Variants in C10orf143 observed in about 807,000 individuals in gnomAD.
C10orf143 encodes chromosome 10 open reading frame 143.
intron 1 of C10orf143, among the ~76,000 whole-genome samples, chr10:130,082,057 C>T (rs1220270695): frequency 3.3e-5 from 5 of 151,854 alleles, no homozygotes; most frequent in Admixed American, 6.6e-5. Flanking sequence ...CACAGTGGCA[C>T]ACAAGGAGAC....
intron 1 of C10orf143, among the ~76,000 whole-genome samples, chr10:130,110,220 T>G (rs1861737081): frequency 6.6e-6 from 1 of 152,188 alleles, no homozygotes; most frequent in Non-Finnish European, 1.5e-5. Flanking sequence ...CAAGAAGCAC[T>G]AACACGCTCA....
chr10:130,081,355 C>T (rs900571064), intron 1 of C10orf143, among the ~76,000 whole-genome samples: 3 of 151,980 alleles, frequency 2.0e-5, no homozygotes, highest in African/African-American at 4.8e-5. Flanking sequence ...TGAGCAAACA[C>T]GGTTAGAAAC....
chr10:130,086,501 G>A (rs1204859471), intron 1 of C10orf143, among the ~76,000 whole-genome samples: 2 of 152,190 alleles, frequency 1.3e-5, no homozygotes, highest in African/African-American at 2.4e-5. Context: ...CTTCACCTAA[G>A]TTGGATGACA....
chr10:130,058,279 G>T (rs1195966789), intron 3 of C10orf143, among the ~76,000 whole-genome samples: 1 of 152,172 alleles, frequency 6.6e-6, no homozygotes, highest in Admixed American at 6.5e-5. Context: ...AGATGCTGGA[G>T]TGGAGGCCAG....
intron 1 of C10orf143, among the ~76,000 whole-genome samples, chr10:130,091,083 G>A (rs1237689709): frequency 1.3e-5 from 2 of 152,178 alleles, no homozygotes; most frequent in Non-Finnish European, 2.9e-5. Context: ...GGGACAGACT[G>A]CCTCCTCAAG....
intron 3 of C10orf143, among the ~76,000 whole-genome samples, chr10:130,043,867 G>A (rs554358310): frequency 3.9e-5 from 6 of 152,344 alleles, no homozygotes; most frequent in South Asian, 4.1e-4. Context: ...CTTGCAGGTG[G>A]AACCTACTTG....
chr10:130,078,182 C>A (rs978445676), intron 3 of C10orf143, among the ~76,000 whole-genome samples: 1 of 152,138 alleles, frequency 6.6e-6, no homozygotes. Flanking sequence ...CCAAAATGAT[C>A]CAATCAGTTG....
chr10:130,086,100 C>T lies in C10orf143; in HGVS notation c.70-6199G>A, dbSNP rs183143544. Reference sequence around the variant, plus strand: ...CCAATATCCCGCTTAAAATAAACCACGCAAAATACTTTCAATGCCATGTAA... The same window carrying T: ...CCAATATCCCGCTTAAAATAAACCATGCAAAATACTTTCAATGCCATGTAA... On this transcript the variant is annotated intron_variant, in intron 1 of 3. Coordinates refer to ENST00000637128, the MANE Select transcript of C10orf143 (RefSeq NM_001355042.2). 1.1e-4 allele frequency among the ~76,000 whole-genome samples: 16 copies of T among 152,300 alleles called. No homozygotes were observed. The East Asian group carries it at 2.1e-3, about 20-fold the overall frequency.
intron 1 of C10orf143, among the ~76,000 whole-genome samples, chr10:130,090,082 T>C (rs1268272862): frequency 2.0e-5 from 3 of 152,176 alleles, no homozygotes; most frequent in African/African-American, 7.2e-5. Flanking sequence ...ATTCAAAGGT[T>C]TGGGGCTTCA....
intron 3 of C10orf143, among the ~76,000 whole-genome samples, chr10:130,037,922 G>A (rs1023895762): frequency 2.6e-5 from 4 of 152,168 alleles, no homozygotes; most frequent in Admixed American, 1.3e-4. Context: ...ATTGTCTTAT[G>A]TTATTGAAAA....
At position 130,064,324 on chromosome 10, in the gene C10orf143, T is replaced by G. The variant is rs957137651; in HGVS notation, c.*30A>C. The G allele has an allele frequency of 8.5e-5, 34 of 398,460 alleles. No homozygotes were observed. Among genetic ancestry groups the G allele is most frequent in the Non-Finnish European group, 1.2e-4 (28 of 226,032 alleles). The allele number at this position is 398,460 out of a possible 1,614,324, so 24.7% of individuals were successfully genotyped here. A position where few individuals can be genotyped will look rare whatever the true frequency, so the allele number is the denominator to read the frequency against. ...AACATGAAGGGTTCAAAACCAAAACTGGGACCTTCTTTTTTCCAGCTTGCA... is the reference window on the plus strand; with the variant it reads ...AACATGAAGGGTTCAAAACCAAAACGGGGACCTTCTTTTTTCCAGCTTGCA... On this transcript the variant is annotated 3_prime_UTR_variant, in exon 4 of 4. Transcript: ENST00000637128.
chr10:130,096,259 T>C (rs953660250), intron 1 of C10orf143, among the ~76,000 whole-genome samples: 3 of 152,006 alleles, frequency 2.0e-5, no homozygotes, highest in African/African-American at 7.2e-5. Context: ...TCACGCCAGT[T>C]AGAACGGTGA....
intron 3 of C10orf143, among the ~76,000 whole-genome samples, chr10:130,045,545 C>G (rs1381126550): frequency 2.6e-5 from 4 of 152,252 alleles, no homozygotes; most frequent in Non-Finnish European, 4.4e-5. Flanking sequence ...GCCCCAAAAC[C>G]GCGAGGCGCC....
chr10:130,102,770 ATGAAT>A (rs1861577909), intron 1 of C10orf143, among the ~76,000 whole-genome samples: 1 of 152,116 alleles, frequency 6.6e-6, no homozygotes. Flanking sequence ...TGTCCTCTTG[ATGAAT>A]TGACTTTTTT....
chr10:130,091,071 A>G (rs1861374024), intron 1 of C10orf143, among the ~76,000 whole-genome samples: 1 of 152,168 alleles, frequency 6.6e-6, no homozygotes. Context: ...AAGCTCTGCT[A>G]AGGGACAGAC....
chr10:130,108,823 T>C (rs1861709918), intron 1 of C10orf143, among the ~76,000 whole-genome samples: 1 of 152,246 alleles, frequency 6.6e-6, no homozygotes, highest in African/African-American at 2.4e-5. Flanking sequence ...AAATAAATTT[T>C]AGTTGATTAA....
intron 3 of C10orf143, among the ~76,000 whole-genome samples, chr10:130,069,613 A>G (rs200613963): frequency 1.1e-5 from 1 of 89,120 alleles, no homozygotes; most frequent in East Asian, 3.5e-4. Flanking sequence ...GATTTTCTGG[A>G]AAATTTTTTT....
chr10:130,087,339 A>G (rs1396739793), intron 1 of C10orf143, among the ~76,000 whole-genome samples: 1 of 152,242 alleles, frequency 6.6e-6, no homozygotes, highest in African/African-American at 2.4e-5. Context: ...CACTTGTACT[A>G]TATGAACGAA....
intron 3 of C10orf143, 121 bp from the exon 4 acceptor site, chr10:130,064,504 T>C (rs1287520063): frequency 7.7e-6 from 3 of 390,712 alleles, no homozygotes; most frequent in Non-Finnish European, 9.0e-6. Flanking sequence ...TTGTAAGTGA[T>C]AACTTAATTC....
Sources: allele counts gnomAD v4.1 joint callset (sites outside exome capture counted in the v4.1 genomes callset), GRCh38; gene constraint gnomAD v4.1.1; transcripts MANE v1.5; gene names NCBI Gene and HGNC (gene_info 2026-07-23, HGNC 2026-07-21).